Variants in GORAB observed in about 807,000 individuals in gnomAD.
GORAB encodes RAB6-interacting golgin.
In GORAB, 17 loss-of-function variants were observed where a neutral mutation model predicts 29.9. That is an observed-to-expected ratio of 0.57 (90% CI 0.39 to 0.85). The LOEUF (loss-of-function observed/expected upper bound fraction) is 0.85. GORAB is among the 40% of genes least tolerant of loss of function. GORAB has a pLI of 0.00. For synonymous variants in GORAB, 183 were observed against 157.2 expected, an observed-to-expected ratio of 1.16 and a Z score of -1.23; for missense variants, 442 against 437.8, an observed-to-expected ratio of 1.01 and a Z score of -0.09.
intron 1 of GORAB, among the ~76,000 whole-genome samples, chr1:170,538,909 A>G (rs1649217494): frequency 6.6e-6 from 1 of 152,200 alleles, no homozygotes; most frequent in Non-Finnish European, 1.5e-5. Context: ...TTTGACAACT[A>G]TGAAATCAAG....
In GORAB at chr1:170,552,172, C is replaced by T; in HGVS notation, c.820C>T (p.Leu274=). 6.2e-7 allele frequency: 1 copy of T among 1,614,022 alleles called. No homozygotes were observed. The highest frequency in any genetic ancestry group is 1.1e-5 in the South Asian group (1 of 91,074). ...GAAGTTGGAGGAGTTGATGCAACAA[C>T]TAGATGTAGAAGCCGATGAAGAGAC... ...AKKLEELMQQ[L]DVEADEETLE... Residue 274 remains leucine (L), a synonymous_variant, in exon 5 of 5, where the codon CTA becomes TTA. Transcript: ENST00000367763.
intron 2 of GORAB, among the ~76,000 whole-genome samples, chr1:170,540,492 A>T (rs1355241076): frequency 1.3e-5 from 2 of 151,552 alleles, no homozygotes; most frequent in African/African-American, 4.9e-5. Context: ...CTGCTGATCC[A>T]GATTCTATCC....
intron 3 of GORAB, among the ~76,000 whole-genome samples, chr1:170,543,388 T>C (rs1187896636): frequency 1.3e-5 from 2 of 152,190 alleles, no homozygotes; most frequent in Non-Finnish European, 2.9e-5. Flanking sequence ...GAAAAGTCTG[T>C]CAAACTGTTA....
intron 3 of GORAB, among the ~76,000 whole-genome samples, chr1:170,543,414 G>C (rs1290998547): frequency 6.6e-6 from 1 of 152,134 alleles, no homozygotes; most frequent in Non-Finnish European, 1.5e-5. Context: ...TGAAGCTAGA[G>C]TATGTGTAGG....
At chr1:170,540,061 A>G (rs1285590485) in intron 2 of GORAB, among the ~76,000 whole-genome samples, 1 of 150,852 alleles carries the variant, frequency 6.6e-6, no homozygotes, top group African/African-American at 2.4e-5. Flanking sequence ...TTATATGCAT[A>G]GTGCCTCTGC....
intron 4 of GORAB, among the ~76,000 whole-genome samples, chr1:170,547,613 C>T (rs1241916017): frequency 6.6e-6 from 1 of 152,178 alleles, no homozygotes; most frequent in Non-Finnish European, 1.5e-5. Flanking sequence ...CATACACCCA[C>T]AGACGAATAT....
rs746526281 is a variant in GORAB at position 170,552,380 on chromosome 1, G to T, written c.1028G>T (p.Gly343Val). The T allele has an allele frequency of 6.2e-7, 1 of 1,614,092 alleles. No individual in the cohort carries two copies. Among genetic ancestry groups the T allele is most frequent in the South Asian group, 1.1e-5 (1 of 91,082 alleles). Residue 343 changes from glycine (G) to valine (V), a missense_variant, in exon 5 of 5, where the codon GGA becomes GTA. Transcript: ENST00000367763. ...AVSPKVDDQC[G>V]NSSSIPFLSP... ...TCCCCAAAGGTAGATGACCAGTGTG[G>T]AAATTCCAGTAGCATCCCCTTTCTT...
chr1:170,545,118 A>G (rs1044319480), intron 4 of GORAB: 2 of 1,108,198 alleles, frequency 1.8e-6, no homozygotes, highest in South Asian at 3.9e-5. Flanking sequence ...ACCCTCAGCT[A>G]TTTAATGTTT....
chr1:170,539,839 A>G (rs1183179882), intron 2 of GORAB, among the ~76,000 whole-genome samples: 3 of 152,118 alleles, frequency 2.0e-5, no homozygotes, highest in Admixed American at 6.5e-5. Context: ...GGTATCTGGG[A>G]CTCAGAAAAG....
In GORAB at chr1:170,552,507, A is replaced by C; in HGVS notation, c.*45A>C. Reference sequence around the variant, plus strand: ...GCTAATATGGTATTGAGTAAAGTATACTTTTTGCAGTAGATCATGCCCTGA... The same window carrying C: ...GCTAATATGGTATTGAGTAAAGTATCCTTTTTGCAGTAGATCATGCCCTGA... On this transcript the variant is annotated 3_prime_UTR_variant, in exon 5 of 5. Transcript: ENST00000367763. 1.3e-6 allele frequency: 2 copies of C among 1,517,060 alleles called. No homozygotes were observed. The highest frequency in any genetic ancestry group is 9.1e-7 in the Non-Finnish European group (1 of 1,094,768). The allele number at this position is 1,517,060 out of a possible 1,614,324, so 94.0% of individuals were successfully genotyped here.
intron 2 of GORAB, 92 bp from the exon 3 acceptor site, chr1:170,542,399 T>C: frequency 1.3e-6 from 1 of 753,272 alleles, no homozygotes; most frequent in Admixed American, 2.3e-5. Flanking sequence ...TTAAATTTTA[T>C]ACTTAGAGGA....
intron 4 of GORAB, 90 bp from the exon 5 acceptor site, chr1:170,551,925 T>A (rs1250497525): frequency 8.9e-7 from 1 of 1,118,898 alleles, no homozygotes; most frequent in Non-Finnish European, 1.3e-6. Context: ...TTTTCCCAAT[T>A]TTGGAGTTGA....
Position 170,553,007 on chromosome 1 carries a change from T to C in GORAB, c.*545T>C. The C allele has an allele frequency of 2.2e-6, 1 of 453,400 alleles. No homozygotes were observed. 28.1% of individuals were successfully genotyped at this position (453,400 alleles called of 1,614,324 possible). A position where few individuals can be genotyped will look rare whatever the true frequency, so the allele number is the denominator to read the frequency against. On this transcript the variant is annotated 3_prime_UTR_variant, in exon 5 of 5. Coordinates refer to ENST00000367763, the MANE Select transcript of GORAB (RefSeq NM_152281.3). ...CACAACTTGGAAACTGGAATTTATGTGAAGAACCAAACAACTTAAACCAGC... is the reference window on the plus strand; with the variant it reads ...CACAACTTGGAAACTGGAATTTATGCGAAGAACCAAACAACTTAAACCAGC...
Position 170,542,598 on chromosome 1 carries a change from G to T in GORAB, c.521+6G>T. ...GCTAAAGCTATTGCAGAAAGGTGAGGCACCTGAACCAGGAGAGGCTGTTTG... is the reference window on the plus strand; with the variant it reads ...GCTAAAGCTATTGCAGAAAGGTGAGTCACCTGAACCAGGAGAGGCTGTTTG... On this transcript the variant is annotated splice_donor_region_variant and intron_variant, in intron 3 of 4. Coordinates refer to ENST00000367763, the MANE Select transcript of GORAB (RefSeq NM_152281.3). 1 of 1,589,602 alleles carries T rather than the reference G, an allele frequency of 6.3e-7. No homozygotes were observed. The highest frequency in any genetic ancestry group is 8.6e-7 in the Non-Finnish European group (1 of 1,157,740).
At chr1:170,533,328 C>T (rs1400756915) in intron 1 of GORAB, 2 of 203,786 alleles carry the variant, frequency 9.8e-6, no homozygotes, top group African/African-American at 4.4e-5. Context: ...GACATTTTGA[C>T]TGGTCCAGGG....
In GORAB at chr1:170,532,273, A is replaced by C. The variant is rs185015283; in HGVS notation, c.50A>C (p.Lys17Thr). The C allele has an allele frequency of 9.9e-6, 16 of 1,613,998 alleles. No individual in the cohort carries two copies. The East Asian group carries it at 3.3e-4, about 34-fold the overall frequency. The part of the protein sequence containing the change: ...GFSEEELRRL[K>T]QTKDPFEPQR... ...TCTGAGGAGGAACTGAGGAGACTAA[A>C]GCAGACTAAAGGTTACAAGATGGGT... Residue 17 changes from lysine to threonine, a missense_variant, in exon 1 of 5, where the codon AAG becomes ACG. By Grantham distance (78) the Lys-to-Thr change is moderately conservative. Transcript: ENST00000367763.
chr1:170,545,507 G>A, intron 4 of GORAB: 1 of 982,338 alleles, frequency 1.0e-6, no homozygotes, highest in Non-Finnish European at 1.2e-6. Flanking sequence ...CACATGTAAT[G>A]AATTACATGG....
At chr1:170,546,940 C>T (rs1173408281) in intron 4 of GORAB, among the ~76,000 whole-genome samples, 1 of 152,172 alleles carries the variant, frequency 6.6e-6, no homozygotes, top group Admixed American at 6.6e-5. Context: ...CTGCCTCAGC[C>T]TCCCAAAGTT....
chr1:170,536,333 C>T (rs1048111571), intron 1 of GORAB: 9 of 152,068 alleles, frequency 5.9e-5, no homozygotes, highest in Admixed American at 5.2e-4. Flanking sequence ...CAACAAAAGA[C>T]ATGAATAGAT....
Sources: allele counts gnomAD v4.1 joint callset (sites outside exome capture counted in the v4.1 genomes callset), GRCh38; gene constraint gnomAD v4.1.1; transcripts MANE v1.5; gene names NCBI Gene and HGNC (gene_info 2026-07-23, HGNC 2026-07-21).